Variants in GTPBP1 observed in about 807,000 individuals in gnomAD.
The protein encoded by GTPBP1 is GTP binding protein 1, also known as GTP-binding protein 1.
GTPBP1 carries 23 observed loss-of-function variants against 62.0 expected under a neutral mutation model. That is an observed-to-expected ratio of 0.37 (90% confidence interval 0.27 to 0.53). The LOEUF (loss-of-function observed/expected upper bound fraction) is 0.53. GTPBP1 is among the 20% of genes least tolerant of loss of function. GTPBP1 has a pLI of 0.89. For missense variants in GTPBP1, 640 were observed against 917.3 expected (o/e 0.70, Z 3.90); for synonymous variants, 344 against 364.4 (o/e 0.94, Z 0.64).
Position 38,727,862 on chromosome 22 carries a change from C to T in GTPBP1, c.1538-121C>T, listed in dbSNP as rs1327750774. On this transcript the variant is annotated intron_variant, in intron 9 of 11. Coordinates refer to ENST00000216044, the MANE Select transcript of GTPBP1 (RefSeq NM_004286.5). The surrounding 1 kb of genome is among the most constrained non-coding windows in gnomAD (Gnocchi z 6.5). ...CAGGCTTCACGGGGGTCTGTAGCCC[C>T]AGAGATAAGCCCCCACCCTTCCACA... 5.9e-6 allele frequency: 4 copies of T among 674,480 alleles called. No individual in the cohort carries two copies. The Admixed American group carries it at 9.5e-5, about 16-fold the overall frequency. 41.8% of individuals were successfully genotyped at this position (674,480 alleles called of 1,614,324 possible).
chr22:38,722,106 G>A (rs922403464), intron 5 of GTPBP1, among the ~76,000 whole-genome samples: 77 of 151,920 alleles, frequency 5.1e-4, no homozygotes, highest in African/African-American at 1.7e-3. Context: ...TTTATAATCC[G>A]TTACACTGGT....
rs779076342 is a variant in GTPBP1, at chr22:38,726,418, C to T, written c.1379C>T (p.Thr460Ile). The T allele has an allele frequency of 6.2e-7, 1 of 1,613,746 alleles. No homozygotes were observed. Among genetic ancestry groups the T allele is most frequent in the South Asian group, 1.1e-5 (1 of 91,060 alleles). Residue 460 changes from threonine (T) to isoleucine (I), a missense_variant, in exon 8 of 12, where the codon ACA becomes ATA. Thr to Ile is a moderately conservative substitution (Grantham distance 89). This residue lies in a region of GTPBP1 where 220 missense variants were observed against 358.1 expected (regional missense o/e 0.61). Transcript: ENST00000216044. This position sits in a 1 kb window ranked among gnomAD's most constrained non-coding sequence, Gnocchi z 4.1. ...MPVKEVRGGQ[T>I]ASFALKKIKR... ...GTCAAGGAGGTGCGGGGTGGCCAGACAGCATCCTTTGCGCTGAAGAAGGTG... is the reference window on the plus strand; with the variant it reads ...GTCAAGGAGGTGCGGGGTGGCCAGATAGCATCCTTTGCGCTGAAGAAGGTG...
intron 5 of GTPBP1, chr22:38,722,595 A>G: frequency 1.9e-6 from 2 of 1,061,370 alleles, no homozygotes; most frequent in Non-Finnish European, 2.6e-6. Context: ...CATGTTTAAA[A>G]GGCCTTAGCC....
chr22:38,739,639 G>A, downstream of GTPBP1: 1 of 1,492,052 alleles, frequency 6.7e-7, no homozygotes, highest in Non-Finnish European at 9.2e-7. This position sits in a 1 kb window ranked among gnomAD's most constrained non-coding sequence, Gnocchi z 6.7. Context: ...AACCTGCCAG[G>A]GAGCTGGCAG....
In GTPBP1 at chr22:38,716,317, T is replaced by G; in HGVS notation, c.485+230T>G. The G allele has an allele frequency of 1.7e-6, 1 of 586,466 alleles. No homozygotes were observed. The highest frequency in any genetic ancestry group is 3.0e-6 in the Non-Finnish European group (1 of 330,760). The allele number at this position is 586,466 out of a possible 1,614,324, so 36.3% of individuals were successfully genotyped here. A position where few individuals can be genotyped will look rare whatever the true frequency, so the allele number is the denominator to read the frequency against. On this transcript the variant is annotated intron_variant, in intron 3 of 11. Transcript: ENST00000216044. The surrounding 1 kb of genome is among the most constrained non-coding windows in gnomAD (Gnocchi z 5.2). ...TCTGTGGCCATTCTCTGTGGGTGTG[T>G]TTCTTTTCCCTTCAGCCTGTGAGCC...
rs2092735175 is a variant in GTPBP1 at position 38,727,876 on chromosome 22, C to G, written c.1538-107C>G. 1.4e-6 allele frequency: 1 copy of G among 735,066 alleles called. No individual in the cohort carries two copies. Among genetic ancestry groups the G allele is most frequent in the Non-Finnish European group, 2.3e-6 (1 of 426,148 alleles). The allele number at this position is 735,066 out of a possible 1,614,324, so 45.5% of individuals were successfully genotyped here. On this transcript the variant is annotated intron_variant, in intron 9 of 11. Transcript: ENST00000216044. This position sits in a 1 kb window ranked among gnomAD's most constrained non-coding sequence, Gnocchi z 6.5. ...GTCTGTAGCCCCAGAGATAAGCCCC[C>G]ACCCTTCCACAGCTTAAGCGTATTT...
chr22:38,735,516 C>G (rs1479636846), downstream of GTPBP1: 1 of 273,834 alleles, frequency 3.7e-6, no homozygotes, highest in Non-Finnish European at 7.2e-6. Flanking sequence ...GAACAGGGAG[C>G]AGGGTGGGCC....
At chr22:38,734,426 A>G (rs767583088), downstream of GTPBP1, 1 of 373,102 alleles carries the variant, frequency 2.7e-6, no homozygotes, top group African/African-American at 2.2e-5. Context: ...GCTGCTGTTC[A>G]GTGGTACTGA....
chr22:38,742,205 G>A, downstream of GTPBP1: 2 of 1,441,152 alleles, frequency 1.4e-6, no homozygotes, highest in Non-Finnish European at 1.9e-6. Flanking sequence ...AGAGCTGTCT[G>A]ATCCCAAATG....
intron 2 of GTPBP1, among the ~76,000 whole-genome samples, chr22:38,713,831 G>T (rs2092653891): frequency 6.6e-6 from 1 of 152,194 alleles, no homozygotes; most frequent in Non-Finnish European, 1.5e-5. Flanking sequence ...GTTGAGTTTG[G>T]ATATCAGACT....
chr22:38,740,879 C>T, downstream of GTPBP1: 3 of 1,083,330 alleles, frequency 2.8e-6, no homozygotes, highest in Non-Finnish European at 4.1e-6. This position sits in a 1 kb window ranked among gnomAD's most constrained non-coding sequence, Gnocchi z 4.8. Context: ...GTTTCAACCC[C>T]TCCCCCTACC....
downstream of GTPBP1, chr22:38,738,720 T>A (rs773014476): frequency 6.2e-7 from 1 of 1,613,628 alleles, no homozygotes; most frequent in South Asian, 1.1e-5. The surrounding 1 kb of genome is among the most constrained non-coding windows in gnomAD (Gnocchi z 6.6). Flanking sequence ...TTGTGGCCCC[T>A]GGAAGGCCCA....
intron 2 of GTPBP1, among the ~76,000 whole-genome samples, chr22:38,712,096 G>A (rs1436092596): frequency 6.6e-6 from 1 of 152,014 alleles, no homozygotes; most frequent in Non-Finnish European, 1.5e-5. Context: ...GTCTAGGCTG[G>A]TCTTGAACTC....
intron 1 of GTPBP1, chr22:38,706,893 T>C (rs931612232): frequency 6.6e-6 from 1 of 152,138 alleles, no homozygotes; most frequent in African/African-American, 2.4e-5. Context: ...CGGCTTGACA[T>C]TGTGAAGAAT....
intron 10 of GTPBP1, 132 bp downstream of exon 10, chr22:38,728,293 G>C (rs756794212): frequency 3.0e-6 from 2 of 668,836 alleles, no homozygotes; most frequent in Non-Finnish European, 5.3e-6. Flanking sequence ...TGGCCTCGGT[G>C]CCATCTCTCT....
intron 1 of GTPBP1, among the ~76,000 whole-genome samples, chr22:38,707,251 T>C (rs1339580864): frequency 6.6e-6 from 1 of 152,242 alleles, no homozygotes; most frequent in Non-Finnish European, 1.5e-5. Context: ...ACCACTTACA[T>C]TTGTAGGATA....
downstream of GTPBP1, chr22:38,736,561 G>A: frequency 2.0e-6 from 1 of 493,388 alleles, no homozygotes; most frequent in South Asian, 3.3e-5. Flanking sequence ...AGTGTTTCCA[G>A]CCAGTGGGTT....
downstream of GTPBP1, chr22:38,736,508 A>G: frequency 1.4e-6 from 1 of 698,786 alleles, no homozygotes; most frequent in Non-Finnish European, 2.3e-6. Flanking sequence ...GGGGCTCTGA[A>G]GAGAACCAGG....
chr22:38,735,277 C>T, downstream of GTPBP1: 1 of 455,154 alleles, frequency 2.2e-6, no homozygotes, highest in South Asian at 1.6e-5. Context: ...CCCAAGGGGG[C>T]AGCCTGAGCG....
Sources: allele counts gnomAD v4.1 joint callset (sites outside exome capture counted in the v4.1 genomes callset), GRCh38; gene constraint gnomAD v4.1.1; regional missense constraint gnomAD v4.1.1; non-coding constraint Gnocchi (gnomAD v3.1); transcripts MANE v1.5; gene names NCBI Gene and HGNC (gene_info 2026-07-23, HGNC 2026-07-21).